MAP4K4: variants seen among roughly 807,000 people sequenced by gnomAD.
MAP4K4 encodes the protein HPK/GCK-like kinase HGK.
MAP4K4 carries 38 observed loss-of-function variants against 189.6 expected under a neutral mutation model. The ratio of observed to expected loss-of-function variants is 0.20; its 90% confidence interval spans 0.15 to 0.26. The LOEUF is 0.26. Among genes scored for constraint, MAP4K4 ranks in the 10% least tolerant of loss-of-function variants. The pLI, the probability that MAP4K4 is intolerant of heterozygous loss-of-function variation, is 1.00. For missense variants in MAP4K4, 1,054 were observed against 1,726.9 expected, an observed-to-expected ratio of 0.61 and a Z score of 6.91; for synonymous variants, 610 against 624.3, an observed-to-expected ratio of 0.98 and a Z score of 0.34.
rs146892509 is a variant in MAP4K4 at position 101,764,186 on chromosome 2, G to A, written c.124-26534G>A. Among the ~76,000 whole-genome samples, 5 of 152,052 alleles carry A rather than the reference G, an allele frequency of 3.3e-5. No individual in the cohort carries two copies. In the East Asian group the frequency reaches 5.8e-4, roughly 18 times the overall value. ...TTGTGCATGTATGTATGTGATATGC[G>A]TAAGGGTCTAGCTTCCTTTTATAAA... On this transcript the variant is annotated intron_variant, in intron 2 of 32. Coordinates refer to ENST00000324219, the Ensembl canonical transcript of MAP4K4.
intron 31 of MAP4K4, 112 bp from the exon 32 acceptor site, chr2:101,888,684 T>A: frequency 1.2e-6 from 1 of 804,400 alleles, no homozygotes; most frequent in Non-Finnish European, 1.8e-6. Flanking sequence ...ATTTAAATTT[T>A]AAATTTTAAA....
chr2:101,724,731 A>G (rs1352632047), intron 2 of MAP4K4, among the ~76,000 whole-genome samples: 1 of 152,190 alleles, frequency 6.6e-6, no homozygotes, highest in South Asian at 2.1e-4. Context: ...AAAACAAAAC[A>G]TTCTAGTACT....
intron 2 of MAP4K4, among the ~76,000 whole-genome samples, chr2:101,778,719 G>A (rs1411584365): frequency 1.3e-5 from 2 of 152,136 alleles, no homozygotes; most frequent in African/African-American, 2.4e-5. Flanking sequence ...ATCCCTGACT[G>A]CCCGGGTGCT....
chr2:101,711,846 A>G (rs2045732330), intron 2 of MAP4K4, among the ~76,000 whole-genome samples: 2 of 152,196 alleles, frequency 1.3e-5, no homozygotes, highest in Admixed American at 6.5e-5. Context: ...TTGTTATATG[A>G]AAAAAGCAAC....
At chr2:101,734,191 G>A (rs960524946) in intron 2 of MAP4K4, among the ~76,000 whole-genome samples, 9 of 152,158 alleles carry the variant, frequency 5.9e-5, no homozygotes, top group African/African-American at 2.2e-4. Flanking sequence ...AAAGGTTAAA[G>A]TTTTGGAATT....
chr2:101,721,968 C>T (rs1431687743), intron 2 of MAP4K4, among the ~76,000 whole-genome samples: 4 of 152,154 alleles, frequency 2.6e-5, no homozygotes, highest in Non-Finnish European at 4.4e-5. Context: ...AGTTGTATTC[C>T]CTAACTCCTG....
intron 2 of MAP4K4, among the ~76,000 whole-genome samples, chr2:101,707,010 G>A (rs1437770418): frequency 6.6e-6 from 1 of 152,068 alleles, no homozygotes; most frequent in Non-Finnish European, 1.5e-5. Flanking sequence ...AGGGGACCTG[G>A]GGCTTTCAAC....
exon 5 of MAP4K4, chr2:101,825,378 G>A (rs2096301494): frequency 6.2e-7 from 1 of 1,613,450 alleles, no homozygotes; most frequent in Non-Finnish European, 8.5e-7. Flanking sequence ...ACACCAAAGG[G>A]AACACACTCA....
At chr2:101,807,753 A>G (rs960844027) in intron 3 of MAP4K4, among the ~76,000 whole-genome samples, 1 of 152,098 alleles carries the variant, frequency 6.6e-6, no homozygotes, top group Non-Finnish European at 1.5e-5. Flanking sequence ...CAGGAGCAAG[A>G]TAGAGAAAGA....
chr2:101,746,339 G>T (rs192674585), intron 2 of MAP4K4, among the ~76,000 whole-genome samples: 1 of 149,250 alleles, frequency 6.7e-6, no homozygotes, highest in African/African-American at 2.5e-5. Flanking sequence ...TTAAATTTTG[G>T]TATGGTGAAT....
At chr2:101,761,353 T>TA (rs1362623683) in intron 2 of MAP4K4, among the ~76,000 whole-genome samples, 5 of 152,190 alleles carry the variant, frequency 3.3e-5, no homozygotes, top group African/African-American at 1.2e-4. Flanking sequence ...ATTGTTTAGC[T>TA]AATGTTGCTT....
rs113284090 is a variant in MAP4K4 at position 101,750,663 on chromosome 2, T to TA, written c.124-40046dup. 7.3e-4 allele frequency among the ~76,000 whole-genome samples: 105 copies of TA among 143,906 alleles called. No individual in the cohort carries two copies. The East Asian group carries it at 8.1e-3, about 11-fold the overall frequency. The allele number at this position is 143,906 out of a possible 152,430, so 94.4% of individuals were successfully genotyped here. On this transcript the variant is annotated intron_variant, in intron 2 of 32. Coordinates refer to ENST00000324219, the Ensembl canonical transcript of MAP4K4. ...TACCCTAAAACTTAAAGTATATATATAAAAAAAAAAAGTTAGCCAGGCGTG... is the reference window on the plus strand; with the variant it reads ...TACCCTAAAACTTAAAGTATATATATAAAAAAAAAAAAGTTAGCCAGGCGTG...
chr2:101,788,377 G>A (rs911285654), intron 2 of MAP4K4, among the ~76,000 whole-genome samples: 2 of 152,116 alleles, frequency 1.3e-5, no homozygotes, highest in African/African-American at 2.4e-5. Context: ...ACTCTAGAAC[G>A]GGGGCGAAGC....
exon 15 of MAP4K4, chr2:101,859,652 T>C: frequency 6.2e-7 from 1 of 1,606,642 alleles, no homozygotes; most frequent in Non-Finnish European, 8.5e-7. Context: ...GGAGTGCCGA[T>C]GGCGGGAGAT....
At chr2:101,707,371 G>T (rs1473894598) in intron 2 of MAP4K4, among the ~76,000 whole-genome samples, 3 of 151,950 alleles carry the variant, frequency 2.0e-5, no homozygotes, top group African/African-American at 7.3e-5. Flanking sequence ...ACCATGCTCG[G>T]CTAATATTTG....
At chr2:101,887,637 A>G in intron 30 of MAP4K4, 141 bp from the exon 31 acceptor site, 2 of 611,822 alleles carry the variant, frequency 3.3e-6, no homozygotes, top group Non-Finnish European at 5.5e-6. Flanking sequence ...TTGCATGACT[A>G]TTCTAAAATG....
intron 2 of MAP4K4, among the ~76,000 whole-genome samples, chr2:101,700,707 G>A (rs569028973): frequency 6.7e-6 from 1 of 150,290 alleles, no homozygotes; most frequent in African/African-American, 2.4e-5. Flanking sequence ...TCACATTGTT[G>A]TTATCACACT....
At chr2:101,843,577 G>C (rs140297818) in intron 11 of MAP4K4, among the ~76,000 whole-genome samples, 14 of 152,252 alleles carry the variant, frequency 9.2e-5, no homozygotes, top group Non-Finnish European at 1.8e-4. Flanking sequence ...CGGTGGGGAG[G>C]TCAGCTAGGA....
intron 2 of MAP4K4, among the ~76,000 whole-genome samples, chr2:101,788,878 G>GA (rs1383530823): frequency 2.0e-5 from 3 of 149,450 alleles, no homozygotes; most frequent in Middle Eastern, 3.2e-3. Context: ...TTTGAAAAAA[G>GA]AAAAAAAAAG....
Sources: gnomAD v4.1 joint callset for allele counts (sites outside exome capture counted in the v4.1 genomes callset) on GRCh38, gnomAD v4.1.1 for gene constraint, MANE v1.5 for transcripts, NCBI Gene and HGNC (gene_info 2026-07-23, HGNC 2026-07-21) for gene names.